Variants in ATP2B2 observed in about 807,000 individuals in gnomAD.
The protein encoded by ATP2B2 is ATPase plasma membrane Ca2+ transporting 2.
A neutral mutation model predicts 120.0 loss-of-function variants in ATP2B2; 15 were observed. That is an observed-to-expected ratio of 0.12 (90% CI 0.08 to 0.19). The LOEUF (loss-of-function observed/expected upper bound fraction) is 0.19, where lower values mean the gene tolerates loss of function less well. ATP2B2 is among the 10% of genes least tolerant of loss of function. The pLI is 1.00. For synonymous variants in ATP2B2, 694 were observed against 700.3 expected (o/e 0.99, Z 0.14); for missense variants, 1,045 against 1,719.8 (o/e 0.61, Z 6.94).
Position 10,340,427 on chromosome 3 carries a change from T to C in ATP2B2, c.3129+66A>G, listed in dbSNP as rs171337. The C allele has an allele frequency of 0.62, 994,385 of 1,612,636 alleles. 312,293 individuals are homozygous for C. The highest frequency in any genetic ancestry group is 0.9 in the East Asian group (40,354 of 44,860). On this transcript the variant is annotated intron_variant, in intron 20 of 22. Transcript: ENST00000360273. The surrounding 1 kb of genome is among the most constrained non-coding windows in gnomAD (Gnocchi z 5.0). ...AGCACAGAGGGCTGGGCTCTCAGGGTCCTGCCCAGGGGCTCCAGCCGCTTG... is the reference window on the plus strand; with the variant it reads ...AGCACAGAGGGCTGGGCTCTCAGGGCCCTGCCCAGGGGCTCCAGCCGCTTG...
intron 1 of ATP2B2, among the ~76,000 whole-genome samples, chr3:10,707,759 G>A (rs1001150180): frequency 1.1e-4 from 17 of 151,510 alleles, no homozygotes; most frequent in Non-Finnish European, 2.2e-4. Flanking sequence ...GCGGGGCGAA[G>A]GGACCAAGAC....
intron 2 of ATP2B2, among the ~76,000 whole-genome samples, chr3:10,580,816 C>T (rs2068372039): frequency 1.3e-5 from 2 of 152,194 alleles, no homozygotes; most frequent in African/African-American, 4.8e-5. Flanking sequence ...GCTTCAATTG[C>T]TTCTTGTAAG....
At chr3:10,419,069 C>T (rs1406428225) in intron 2 of ATP2B2, among the ~76,000 whole-genome samples, 2 of 152,240 alleles carry the variant, frequency 1.3e-5, no homozygotes, top group Non-Finnish European at 1.5e-5. Context: ...AATCATTTCC[C>T]TTCTCAGAGC....
Position 10,372,034 on chromosome 3 carries a change from G to A in ATP2B2, c.1434C>T (p.Asn478=), listed in dbSNP as rs1004277441. Residue 478 remains asparagine (N), a synonymous_variant, in exon 12 of 23, where the codon AAC becomes AAT. Transcript: ENST00000360273. ...AYSVKKMMKD[N]NLVRHLDACE... ...AGGCATCCAGGTGGCGTACCAGGTT[G>A]TTGTCCTTCATCATTTTCTGGGAGA... 7 of 1,614,224 alleles carry A rather than the reference G, an allele frequency of 4.3e-6. No individual in the cohort carries two copies. Among genetic ancestry groups the A allele is most frequent in the Non-Finnish European group, 5.9e-6 (7 of 1,180,042 alleles).
At chr3:10,698,315 T>A (rs1415161267) in intron 1 of ATP2B2, among the ~76,000 whole-genome samples, 1 of 152,198 alleles carries the variant, frequency 6.6e-6, no homozygotes, top group Non-Finnish European at 1.5e-5. Context: ...TGGACAGGGA[T>A]AATGCCTTCT....
chr3:10,683,018 C>T (rs948561845), intron 1 of ATP2B2, among the ~76,000 whole-genome samples: 50 of 152,140 alleles, frequency 3.3e-4, no homozygotes, highest in African/African-American at 1.1e-3. Flanking sequence ...GGACATAAAA[C>T]GAATGTGGAT....
intron 1 of ATP2B2, among the ~76,000 whole-genome samples, chr3:10,636,415 G>A (rs1018363360): frequency 1.3e-5 from 2 of 152,112 alleles, no homozygotes; most frequent in African/African-American, 2.4e-5. Flanking sequence ...CAGGCCAAGG[G>A]GGCTGGATGT....
At chr3:10,683,783 T>TATATATAC (rs2071448295) in intron 1 of ATP2B2, among the ~76,000 whole-genome samples, 1 of 118,324 alleles carries the variant, frequency 8.5e-6, no homozygotes, top group African/African-American at 3.2e-5. Context: ...TATATATATA[T>TATATATAC]ATATATATAT....
chr3:10,523,394 C>CCT (rs2067024111), intron 3 of ATP2B2, among the ~76,000 whole-genome samples: 3 of 152,228 alleles, frequency 2.0e-5, no homozygotes, highest in South Asian at 4.1e-4. Context: ...CTTTTGTTAG[C>CCT]CTCTCTAGCA....
At chr3:10,524,695 C>A (rs1053614583) in intron 3 of ATP2B2, among the ~76,000 whole-genome samples, 2 of 152,152 alleles carry the variant, frequency 1.3e-5, no homozygotes, top group Non-Finnish European at 2.9e-5. Context: ...ACCTGAACAG[C>A]CCTCTAAGGA....
Position 10,579,845 on chromosome 3 carries a change from C to CA in ATP2B2, c.-415+40071dup, listed in dbSNP as rs137955154. ...CAAAACAAAACAAAACAAAACAAAA[C>CA]AAAGAAACAGACCCAGAAGGTGGGC... is the stretch of plus-strand genomic sequence containing the variant. On this transcript the variant is annotated intron_variant, in intron 2 of 21. Coordinates refer to the ATP2B2 transcript ENST00000646379. Among the ~76,000 whole-genome samples, 93 of 150,610 alleles carry CA rather than the reference C, an allele frequency of 6.2e-4. 1 individual carries two copies. The highest frequency in any genetic ancestry group is 2.0e-3 in the African/African-American group (80 of 40,124).
At chr3:10,688,483 CTG>C (rs1443793705) in intron 1 of ATP2B2, among the ~76,000 whole-genome samples, 1 of 152,196 alleles carries the variant, frequency 6.6e-6, no homozygotes, top group East Asian at 1.9e-4. Context: ...CTAATTCCTG[CTG>C]TTCAAGATCA....
In ATP2B2 at chr3:10,505,549, G is replaced by A. The variant is rs2066592735; in HGVS notation, c.-404C>T. On this transcript the variant is annotated 5_prime_UTR_variant, in exon 1 of 23. Coordinates refer to ENST00000360273, the MANE Select transcript of ATP2B2 (RefSeq NM_001001331.4). ...CGGTGCGGCAGCTGGTGCCGCGGCT[G>A]AGCCCAGCCAGCGTGCCCGGGCCCC... 6.8e-6 allele frequency: 1 copy of A among 147,680 alleles called. No homozygotes were observed. The highest frequency in any genetic ancestry group is 1.5e-5 in the Non-Finnish European group (1 of 66,550). 9.1% of individuals were successfully genotyped at this position (147,680 alleles called of 1,614,324 possible). A position where few individuals can be genotyped will look rare whatever the true frequency, so the allele number is the denominator to read the frequency against.
At chr3:10,424,655 G>C (rs1200646338) in intron 2 of ATP2B2, among the ~76,000 whole-genome samples, 1 of 152,202 alleles carries the variant, frequency 6.6e-6, no homozygotes, top group Non-Finnish European at 1.5e-5. Context: ...TCTTTGGAAA[G>C]CGAGTGGGCT....
intron 1 of ATP2B2, among the ~76,000 whole-genome samples, chr3:10,460,772 C>T (rs1020221778): frequency 1.3e-5 from 2 of 152,196 alleles, no homozygotes; most frequent in Non-Finnish European, 2.9e-5. Context: ...CCAGAAATTC[C>T]ACCATTAGTG....
chr3:10,580,082 T>A (rs1048320589), intron 2 of ATP2B2, among the ~76,000 whole-genome samples: 6 of 152,100 alleles, frequency 3.9e-5, no homozygotes, highest in Admixed American at 2.6e-4. Flanking sequence ...CTTCCGGTCA[T>A]CCTACATCAA....
intron 3 of ATP2B2, among the ~76,000 whole-genome samples, chr3:10,533,615 G>C (rs1338847398): frequency 1.3e-5 from 2 of 152,260 alleles, no homozygotes; most frequent in Non-Finnish European, 2.9e-5. Context: ...TTCATGTGCA[G>C]GCTGGGGCAT....
At chr3:10,651,975 A>G (rs2070479603) in intron 1 of ATP2B2, among the ~76,000 whole-genome samples, 1 of 152,162 alleles carries the variant, frequency 6.6e-6, no homozygotes, top group African/African-American at 2.4e-5. Flanking sequence ...AGAATGGACT[A>G]TACCAGGTTC....
chr3:10,478,315 T>C lies in ATP2B2; in HGVS notation c.-320+27150A>G, dbSNP rs185150104. ...TTTGAAGATATTTCTTCTCATTCCA[T>C]GGGTTGTCTTTGTACTCTGTTGATA... On this transcript the variant is annotated intron_variant, in intron 1 of 22. Coordinates refer to ENST00000360273, the MANE Select transcript of ATP2B2 (RefSeq NM_001001331.4). Among the ~76,000 whole-genome samples, 362 of 152,360 alleles carry C rather than the reference T, an allele frequency of 2.4e-3. 2 individuals carry two copies. The highest frequency in any genetic ancestry group is 0.014 in the Middle Eastern group (4 of 294).
Sources: allele counts gnomAD v4.1 joint callset (sites outside exome capture counted in the v4.1 genomes callset), GRCh38; gene constraint gnomAD v4.1.1; non-coding constraint Gnocchi (gnomAD v3.1); transcripts MANE v1.5; gene names NCBI Gene and HGNC (gene_info 2026-07-23, HGNC 2026-07-21).